CLNK: variants seen among roughly 807,000 people sequenced by gnomAD.
CLNK encodes the protein cytokine dependent hematopoietic cell linker.
A neutral mutation model predicts 68.6 loss-of-function variants in CLNK; 74 were observed. That is an observed-to-expected ratio of 1.08 (90% CI 0.89 to 1.31). The LOEUF (loss-of-function observed/expected upper bound fraction) is 1.31. Ranked by LOEUF, CLNK falls within the 50% of genes most tolerant of loss-of-function variation. The pLI, the probability that CLNK is intolerant of heterozygous loss-of-function variation, is 0.00. For missense variants in CLNK, 553 were observed against 515.3 expected (o/e 1.07, Z -0.71); for synonymous variants, 198 against 172.2 (o/e 1.15, Z -1.17).
chr4:10,515,846 A>C (rs962914857), intron 15 of CLNK, among the ~76,000 whole-genome samples: 7 of 152,250 alleles, frequency 4.6e-5, no homozygotes, highest in African/African-American at 1.7e-4. Context: ...GATGCTGCAC[A>C]GTCCTGCCTG....
chr4:10,641,407 A>G (rs1448424949), intron 2 of CLNK, among the ~76,000 whole-genome samples: 1 of 152,176 alleles, frequency 6.6e-6, no homozygotes, highest in Non-Finnish European at 1.5e-5. Context: ...TTCAGCAGGA[A>G]GAGGAGCTTA....
intron 7 of CLNK, among the ~76,000 whole-genome samples, chr4:10,564,281 C>T (rs1267105931): frequency 3.3e-5 from 5 of 152,058 alleles, no homozygotes; most frequent in African/African-American, 1.2e-4. Context: ...TCATGACTTA[C>T]TTATTACCTC....
chr4:10,546,806 C>T (rs1560210838), intron 8 of CLNK, among the ~76,000 whole-genome samples: 1 of 152,048 alleles, frequency 6.6e-6, no homozygotes, highest in Non-Finnish European at 1.5e-5. Flanking sequence ...GATTTATATG[C>T]AAAAGGAATT....
At chr4:10,734,549 G>T in the CLNK span, among the ~76,000 whole-genome samples, 12 of 152,280 alleles carry the variant, frequency 7.9e-5, no homozygotes, top group East Asian at 1.9e-3. Context: ...CAGCAATTTA[G>T]CAAGAAATAT....
At chr4:10,546,085 C>T (rs1169720503) in intron 8 of CLNK, among the ~76,000 whole-genome samples, 2 of 152,174 alleles carry the variant, frequency 1.3e-5, no homozygotes, top group Non-Finnish European at 2.9e-5. Context: ...TGGGGTCCTT[C>T]CTCCATTGTC....
Position 10,497,568 on chromosome 4 carries a change from G to A in CLNK, c.1140+3688C>T, listed in dbSNP as rs75445402. 8.2e-3 allele frequency among the ~76,000 whole-genome samples: 1,244 copies of A among 152,304 alleles called. 22 individuals carry two copies. The highest frequency in any genetic ancestry group is 0.028 in the African/African-American group (1,174 of 41,556). On this transcript the variant is annotated intron_variant, in intron 18 of 18. Transcript: ENST00000226951. ...TAATCTATGGCCTGCCATAGGAGAT[G>A]CTCCTTATTTGCCAAGATAGTCAGT...
chr4:10,693,898 G>A, the CLNK span, among the ~76,000 whole-genome samples: 14 of 152,234 alleles, frequency 9.2e-5, no homozygotes, highest in Non-Finnish European at 1.6e-4. Flanking sequence ...TGAGGAGATC[G>A]CAGTTTGAAA....
chr4:10,592,619 G>A (rs925680683), intron 3 of CLNK, among the ~76,000 whole-genome samples: 13 of 151,984 alleles, frequency 8.6e-5, no homozygotes, highest in African/African-American at 3.1e-4. Context: ...CACAACATAA[G>A]AACCTAGGGT....
chr4:10,586,998 C>T (rs2108838305), intron 3 of CLNK, among the ~76,000 whole-genome samples: 1 of 151,862 alleles, frequency 6.6e-6, no homozygotes, highest in African/African-American at 2.4e-5. Flanking sequence ...ACTCTGTTGC[C>T]CAGGCTGGAG....
At chr4:10,593,182 T>G (rs1269679489) in intron 3 of CLNK, among the ~76,000 whole-genome samples, 1 of 152,180 alleles carries the variant, frequency 6.6e-6, no homozygotes, top group Admixed American at 6.5e-5. Context: ...GCCTTCTGCA[T>G]GGTGAGGTGG....
chr4:10,568,808 G>C (rs1720223764), intron 5 of CLNK, among the ~76,000 whole-genome samples: 1 of 152,188 alleles, frequency 6.6e-6, no homozygotes, highest in Non-Finnish European at 1.5e-5. Context: ...CCAGAACAGG[G>C]GAACTAGTTG....
At chr4:10,685,654 G>A (rs1725244197), upstream of CLNK, among the ~76,000 whole-genome samples, 2 of 152,056 alleles carry the variant, frequency 1.3e-5, no homozygotes, top group Admixed American at 6.6e-5. Flanking sequence ...ATTTTCTTGG[G>A]TAAATAACTC....
chr4:10,555,048 A>C (rs1215638111), intron 8 of CLNK, among the ~76,000 whole-genome samples: 2 of 152,236 alleles, frequency 1.3e-5, no homozygotes, highest in Non-Finnish European at 1.5e-5. Context: ...ATTGACCCAG[A>C]TTAAACTCAT....
intron 4 of CLNK, among the ~76,000 whole-genome samples, chr4:10,572,125 C>G (rs1720378065): frequency 6.6e-6 from 1 of 152,200 alleles, no homozygotes; most frequent in Admixed American, 6.5e-5. Flanking sequence ...CTTGAGTCAG[C>G]AGCAGCTCAG....
chr4:10,644,521 T>C (rs1414949527), intron 2 of CLNK, among the ~76,000 whole-genome samples: 1 of 152,140 alleles, frequency 6.6e-6, no homozygotes, highest in Non-Finnish European at 1.5e-5. Flanking sequence ...AGGCAGAGCC[T>C]AGGTTTGAGC....
At chr4:10,601,352 T>G (rs1427098138) in intron 2 of CLNK, among the ~76,000 whole-genome samples, 2 of 152,000 alleles carry the variant, frequency 1.3e-5, no homozygotes, top group Non-Finnish European at 2.9e-5. Context: ...CTTTCTACAG[T>G]GGATTATTGA....
intron 1 of CLNK, among the ~76,000 whole-genome samples, chr4:10,679,453 T>C (rs1184909915): frequency 1.3e-5 from 2 of 152,164 alleles, no homozygotes; most frequent in Non-Finnish European, 2.9e-5. Context: ...GACATAGGCA[T>C]GGGCAAGGAC....
intron 13 of CLNK, among the ~76,000 whole-genome samples, chr4:10,526,714 A>AT (rs536478016): frequency 3.0e-4 from 45 of 152,148 alleles, no homozygotes; most frequent in African/African-American, 1.0e-3. Flanking sequence ...CAGTTTCTCA[A>AT]TTTTTTCCCC....
At chr4:10,664,648 C>T (rs6448177) in intron 2 of CLNK, among the ~76,000 whole-genome samples, 65,577 of 152,054 alleles carry the variant, frequency 0.43, 14,883 homozygotes, top group East Asian at 0.52. Flanking sequence ...GTATGGATTC[C>T]GACTCAGCAT....
Sources: gnomAD v4.1 joint callset for allele counts (sites outside exome capture counted in the v4.1 genomes callset) on GRCh38, gnomAD v4.1.1 for gene constraint, MANE v1.5 for transcripts, NCBI Gene and HGNC (gene_info 2026-07-23, HGNC 2026-07-21) for gene names.